LIN54: variants seen among roughly 807,000 people sequenced by gnomAD.
The protein encoded by LIN54 is lin-54 DREAM MuvB core complex component.
A neutral mutation model predicts 78.7 loss-of-function variants in LIN54; 9 were observed. The ratio of observed to expected loss-of-function variants is 0.11; its 90% confidence interval spans 0.07 to 0.20. LIN54 has a LOEUF of 0.20. Ranked by LOEUF, LIN54 falls within the 10% of genes least tolerant of loss-of-function variation. The pLI is 1.00. For synonymous variants in LIN54, 269 were observed against 318.4 expected (o/e 0.84, Z 1.65); for missense variants, 573 against 889.9 (o/e 0.64, Z 4.53).
intron 1 of LIN54, among the ~76,000 whole-genome samples, chr4:82,986,521 T>C (rs1278590714): frequency 6.6e-6 from 1 of 151,622 alleles, no homozygotes; most frequent in East Asian, 2.0e-4. Context: ...CTGGCCAACA[T>C]GGTGAAACCC....
At chr4:83,004,198 C>T (rs574558252) in intron 1 of LIN54, among the ~76,000 whole-genome samples, 4 of 151,838 alleles carry the variant, frequency 2.6e-5, no homozygotes, top group Non-Finnish European at 5.9e-5. Flanking sequence ...GAGTTTGAGA[C>T]CAGCCTGGCC....
In LIN54 at chr4:82,984,319, C is replaced by T. The variant is rs756479378; in HGVS notation, c.526G>A (p.Ala176Thr). 1 of 1,614,098 alleles carries T rather than the reference C, an allele frequency of 6.2e-7. No individual in the cohort carries two copies. Among genetic ancestry groups the T allele is most frequent in the South Asian group, 1.1e-5 (1 of 91,066 alleles). The change falls in exon 2 of 13, where the codon GCT (alanine) becomes ACT (threonine). Residue 176 changes from alanine to threonine, a missense_variant. Physicochemically the swap from Ala to Thr is moderately conservative, Grantham distance 58. Transcript: ENST00000340417. ...TTAATTTGCTGCGGTGGTAACTTAG[C>T]ATCTCCTGACTGGGCCTGAGTTGTA... Reference protein sequence around the residue: ...KVTTQAQSGDAKLPPQQIKVV... With the variant: ...KVTTQAQSGDTKLPPQQIKVV...
rs752894912 is a variant in LIN54, at chr4:82,931,163, G to A, written c.1846-18C>T. On this transcript the variant is annotated intron_variant, in intron 11 of 12. Coordinates refer to ENST00000340417, the MANE Select transcript of LIN54 (RefSeq NM_194282.4). The stretch of plus-strand genomic sequence containing the variant: ...ATTTTTGCCTAAAAGATTTACATAA[G>A]AAAAGTTTCCAAATCAAAACCAAAA... 67 of 1,609,016 alleles carry A rather than the reference G, an allele frequency of 4.2e-5. No individual in the cohort carries two copies. The highest frequency in any genetic ancestry group is 5.3e-5 in the Non-Finnish European group (62 of 1,176,304).
chr4:82,990,276 T>C lies in LIN54; in HGVS notation c.-32-5400A>G, dbSNP rs903221968. ...AACAAAGTAGCCTAGTAATCTTCCATGGATACCGGCAGAAGACACAGTAGT... is the reference window on the plus strand; with the variant it reads ...AACAAAGTAGCCTAGTAATCTTCCACGGATACCGGCAGAAGACACAGTAGT... On this transcript the variant is annotated intron_variant, in intron 1 of 12. Transcript: ENST00000340417. 8.5e-5 allele frequency among the ~76,000 whole-genome samples: 13 copies of C among 152,324 alleles called. No homozygotes were observed. The East Asian group carries it at 2.5e-3, about 29-fold the overall frequency.
At position 82,937,245 on chromosome 4, in the gene LIN54, T is replaced by C; in HGVS notation, c.1586A>G (p.Lys529Arg). The part of the protein sequence containing the change: ...SRPRKPCNCT[K>R]SLCLKLYCDC... Reference sequence around the variant, plus strand: ...CACTTACAATTTCAAACACAGTGATTTTGTACAATTACAGGGCTTTCGGGG... The same window carrying C: ...CACTTACAATTTCAAACACAGTGATCTTGTACAATTACAGGGCTTTCGGGG... The change falls in exon 9 of 13, where the codon AAA becomes AGA. Residue 529 changes from lysine (K) to arginine (R), a missense_variant. Lys to Arg is a conservative substitution (Grantham distance 26). Transcript: ENST00000340417. 1 of 1,484,840 alleles carries C rather than the reference T, an allele frequency of 6.7e-7. No homozygotes were observed. Among genetic ancestry groups the C allele is most frequent in the Non-Finnish European group, 9.4e-7 (1 of 1,062,128 alleles). 92.0% of individuals were successfully genotyped at this position (1,484,840 alleles called of 1,614,324 possible). A position where few individuals can be genotyped will look rare whatever the true frequency, so the allele number is the denominator to read the frequency against.
At chr4:82,938,777 T>G in intron 7 of LIN54, among the ~76,000 whole-genome samples, 1 of 152,242 alleles carries the variant, frequency 6.6e-6, no homozygotes, top group Non-Finnish European at 1.5e-5. Flanking sequence ...TAGGAAATGC[T>G]AGATGAATGC....
At chr4:82,987,293 A>G (rs1166555483) in intron 1 of LIN54, among the ~76,000 whole-genome samples, 4 of 152,214 alleles carry the variant, frequency 2.6e-5, no homozygotes, top group African/African-American at 9.7e-5. Flanking sequence ...TTTGTCTCAA[A>G]AATTTTTTTA....
chr4:82,956,575 A>G (rs1724351640), intron 4 of LIN54, among the ~76,000 whole-genome samples: 1 of 152,128 alleles, frequency 6.6e-6, no homozygotes, highest in Non-Finnish European at 1.5e-5. Flanking sequence ...TGATCGCACC[A>G]CTGCACTCCT....
chr4:82,963,749 T>C (rs1274793769), intron 4 of LIN54, among the ~76,000 whole-genome samples: 2 of 151,442 alleles, frequency 1.3e-5, no homozygotes, highest in Non-Finnish European at 1.5e-5. Context: ...ATGAAAAACT[T>C]CAATTAACCA....
At chr4:82,949,787 T>G (rs1433028595) in intron 4 of LIN54, among the ~76,000 whole-genome samples, 1 of 152,126 alleles carries the variant, frequency 6.6e-6, no homozygotes, top group East Asian at 1.9e-4. Flanking sequence ...CCTTTTCATT[T>G]TATCATTTCC....
At chr4:82,953,396 T>C (rs1335416009) in intron 4 of LIN54, among the ~76,000 whole-genome samples, 1 of 152,194 alleles carries the variant, frequency 6.6e-6, no homozygotes, top group Admixed American at 6.5e-5. Flanking sequence ...TGAATGTACT[T>C]AATATCACTG....
chr4:82,925,325 C>G lies in LIN54; in HGVS notation c.*2777G>C, dbSNP rs1406300215. 6.6e-6 allele frequency: 1 copy of G among 152,152 alleles called. No homozygotes were observed. Among genetic ancestry groups the G allele is most frequent in the Admixed American group, 6.5e-5 (1 of 15,270 alleles). 9.4% of individuals were successfully genotyped at this position (152,152 alleles called of 1,614,324 possible). A position where few individuals can be genotyped will look rare whatever the true frequency, so the allele number is the denominator to read the frequency against. ...CTGCAGGCTCAGGCCTTCAAAGTAGCGAGGACTGCAGGTGTGCGCCACCAC... is the reference window on the plus strand; with the variant it reads ...CTGCAGGCTCAGGCCTTCAAAGTAGGGAGGACTGCAGGTGTGCGCCACCAC... On this transcript the variant is annotated 3_prime_UTR_variant, in exon 13 of 13. Transcript: ENST00000340417.
At chr4:82,937,665 G>A (rs995331417) in intron 8 of LIN54, among the ~76,000 whole-genome samples, 1 of 152,156 alleles carries the variant, frequency 6.6e-6, no homozygotes, top group African/African-American at 2.4e-5. Context: ...AAAACTCTTG[G>A]GATTCAATTA....
Position 82,970,957 on chromosome 4 carries a change from T to C in LIN54, c.809-488A>G, listed in dbSNP as rs113659853. Among the ~76,000 whole-genome samples, 48 of 152,126 alleles carry C rather than the reference T, an allele frequency of 3.2e-4. 1 individual carries two copies. The highest frequency in any genetic ancestry group is 1.2e-3 in the African/African-American group (48 of 41,566). ...TGAAAGGTTTAATACTACCTGATTT[T>C]AGACTGCCAAAGGGGATAAAAAAAT... On this transcript the variant is annotated intron_variant, in intron 3 of 12. Coordinates refer to ENST00000340417, the MANE Select transcript of LIN54 (RefSeq NM_194282.4).
Position 82,984,145 on chromosome 4 carries a change from C to T in LIN54, c.684+16G>A. 1 of 1,533,260 alleles carries T rather than the reference C, an allele frequency of 6.5e-7. No individual in the cohort carries two copies. The highest frequency in any genetic ancestry group is 8.8e-7 in the Non-Finnish European group (1 of 1,135,136). 95.0% of individuals were successfully genotyped at this position (1,533,260 alleles called of 1,614,324 possible). A position where few individuals can be genotyped will look rare whatever the true frequency, so the allele number is the denominator to read the frequency against. ...AAACATGCATTTTAATTAGTAAGCC[C>T]CCTTTTTTCTTTTACCTGTACTGTT... is the stretch of plus-strand genomic sequence containing the variant. On this transcript the variant is annotated intron_variant, in intron 2 of 12. Coordinates refer to ENST00000340417, the MANE Select transcript of LIN54 (RefSeq NM_194282.4).
intron 4 of LIN54, among the ~76,000 whole-genome samples, chr4:82,951,554 G>T (rs542874823): frequency 6.6e-6 from 1 of 152,142 alleles, no homozygotes; most frequent in Admixed American, 6.5e-5. Flanking sequence ...GATTAGCCTA[G>T]GAACAGAGTG....
intron 11 of LIN54, 23 bp downstream of exon 11, chr4:82,935,958 A>C: frequency 2.5e-6 from 4 of 1,611,196 alleles, no homozygotes; most frequent in Non-Finnish European, 3.4e-6. Flanking sequence ...AAAAGATATT[A>C]TTTTCCGCAC....
chr4:82,930,823 A>G, intron 12 of LIN54, 120 bp downstream of exon 12: 1 of 838,470 alleles, frequency 1.2e-6, no homozygotes, highest in Non-Finnish European at 1.9e-6. Flanking sequence ...AAAGATGGAA[A>G]GAAAACACAA....
In LIN54 at chr4:82,928,169, C is replaced by T. The variant is rs1482275802; in HGVS notation, c.2183G>A (p.Arg728Gln). The change falls in exon 13 of 13, where the codon CGA (arginine) becomes CAA (glutamine). Residue 728 changes from arginine to glutamine, a missense_variant. Physicochemically the swap from Arg to Gln is conservative, Grantham distance 43. Transcript: ENST00000340417. Reference sequence around the variant, plus strand: ...AGAGTTGATGACACTCATCAAACATCGTCCGAATTCCTCAAGTATCATCCG... The same window carrying T: ...AGAGTTGATGACACTCATCAAACATTGTCCGAATTCCTCAAGTATCATCCG... ...AERMILEEFGRCLMSVINSAG... is the reference protein window; with the variant it reads ...AERMILEEFGQCLMSVINSAG... The T allele has an allele frequency of 3.7e-6, 6 of 1,614,240 alleles. No homozygotes were observed. Among genetic ancestry groups the T allele is most frequent in the Admixed American group, 1.7e-5 (1 of 60,036 alleles).
Sources: gnomAD v4.1 joint callset for allele counts (sites outside exome capture counted in the v4.1 genomes callset) on GRCh38, gnomAD v4.1.1 for gene constraint, MANE v1.5 for transcripts, NCBI Gene and HGNC (gene_info 2026-07-23, HGNC 2026-07-21) for gene names.